The following ZFYVE16 variants were observed in gnomAD, a reference collection of about 807,000 sequenced individuals.
ZFYVE16 encodes the protein zinc finger FYVE domain-containing protein 16.
ZFYVE16 carries 89 observed loss-of-function variants against 138.1 expected under a neutral mutation model. The ratio of observed to expected loss-of-function variants is 0.64; its 90% CI spans 0.54 to 0.77. The LOEUF is 0.77. Among genes scored for constraint, ZFYVE16 ranks in the 30% least tolerant of loss-of-function variants. The pLI is 0.00. For missense variants in ZFYVE16, 1,793 were observed against 1,786.7 expected, an observed-to-expected ratio of 1.00 and a Z score of -0.06; for synonymous variants, 596 against 618.3, an observed-to-expected ratio of 0.96 and a Z score of 0.53.
rs765521008 is a variant in ZFYVE16, at chr5:80,457,091, A to G, written c.3942A>G (p.Lys1314=). The part of the protein sequence containing the change: ...QANSATGHPR[K]VTGASFVVFN... The stretch of plus-strand genomic sequence containing the variant: ...ACAGTGCCACTGGCCATCCTAGAAA[A>G]GGTGAGCATCTTGGTTCCTAGTGCT... The change falls in exon 14 of 19, where the codon AAA becomes AAG. Residue 1314 remains lysine (K), a splice_region_variant and synonymous_variant. Transcript: ENST00000505560. The G allele has an allele frequency of 2.5e-6, 4 of 1,610,662 alleles. No homozygotes were observed. Among genetic ancestry groups the G allele is most frequent in the Non-Finnish European group, 2.5e-6 (3 of 1,178,960 alleles).
At chr5:80,428,844 G>T (rs916756077) in intron 2 of ZFYVE16, among the ~76,000 whole-genome samples, 40 of 152,338 alleles carry the variant, frequency 2.6e-4, no homozygotes, top group African/African-American at 9.6e-4. Context: ...TCAACTGGAA[G>T]AAAGGGTATC....
chr5:80,438,820 C>G lies in ZFYVE16; in HGVS notation c.2135C>G (p.Ser712Cys), dbSNP rs1750319167. The G allele has an allele frequency of 1.2e-6, 2 of 1,613,940 alleles. No homozygotes were observed. The highest frequency in any genetic ancestry group is 2.2e-5 in the South Asian group (2 of 91,082). The change falls in exon 4 of 19, where the codon TCT becomes TGT. Residue 712 changes from serine to cysteine, a missense_variant. Ser to Cys is a moderately radical substitution (Grantham distance 112). Coordinates refer to ENST00000505560, the MANE Select transcript of ZFYVE16 (RefSeq NM_001284236.3). ...AATTACATTGATATAGAAAGTAATT[C>G]TGAAGGTGGATCTAGTTTCGTAACT... ...NSNYIDIESN[S>C]EGGSSFVTAN...
At chr5:80,407,692 G>A (rs1181734707), upstream of ZFYVE16, among the ~76,000 whole-genome samples, 1 of 152,254 alleles carries the variant, frequency 6.6e-6, no homozygotes, top group African/African-American at 2.4e-5. Flanking sequence ...AGACCGGAAC[G>A]CCGCGCAGGC....
chr5:80,416,751 C>T (rs549223079), intron 1 of ZFYVE16, among the ~76,000 whole-genome samples: 2 of 151,972 alleles, frequency 1.3e-5, no homozygotes, highest in African/African-American at 4.8e-5. Context: ...TATTTCCTGC[C>T]CTAGTTTTAG....
chr5:80,480,309 A>G lies in ZFYVE16; in HGVS notation c.*2932A>G, dbSNP rs1032839568. 2.0e-5 allele frequency among the ~76,000 whole-genome samples: 3 copies of G among 152,246 alleles called. No homozygotes were observed. Among genetic ancestry groups the G allele is most frequent in the Non-Finnish European group, 4.4e-5 (3 of 68,034 alleles). On this transcript the variant is annotated 3_prime_UTR_variant, in exon 19 of 19. Coordinates refer to ENST00000505560, the MANE Select transcript of ZFYVE16 (RefSeq NM_001284236.3). ...GAATATAAACATTACAAGAATATACATAAAAACTGCACTTTAAAACTCAGT... is the reference window on the plus strand; with the variant it reads ...GAATATAAACATTACAAGAATATACGTAAAAACTGCACTTTAAAACTCAGT...
rs761099722 is a variant in ZFYVE16 at position 80,451,445 on chromosome 5, A to G, written c.3383-40A>G. The G allele has an allele frequency of 5.3e-6, 8 of 1,513,668 alleles. No individual in the cohort carries two copies. The Admixed American group carries it at 1.6e-4, about 31-fold the overall frequency. The allele number at this position is 1,513,668 out of a possible 1,614,324, so 93.8% of individuals were successfully genotyped here. A position where few individuals can be genotyped will look rare whatever the true frequency, so the allele number is the denominator to read the frequency against. On this transcript the variant is annotated intron_variant, in intron 10 of 18. Coordinates refer to ENST00000505560, the MANE Select transcript of ZFYVE16 (RefSeq NM_001284236.3). ...AGAACATTTCTTCAAAACAATAACA[A>G]AACAACTTAAAATCTTTTTACTAAT...
chr5:80,481,596 A>G lies in ZFYVE16; in HGVS notation c.*4219A>G, dbSNP rs1325939816. Among the ~76,000 whole-genome samples the G allele has an allele frequency of 6.6e-6, 1 of 152,210 alleles. No individual in the cohort carries two copies. ...GATGTGTGCTCTGAAACTTAACTGA[A>G]TTGATGGTCTGCTAAAACAAAACAA... is the stretch of plus-strand genomic sequence containing the variant. On this transcript the variant is annotated 3_prime_UTR_variant, in exon 19 of 19. Transcript: ENST00000505560.
chr5:80,448,202 AGAT>A lies in ZFYVE16; in HGVS notation c.2909_2911del (p.Asp970del). 6.2e-7 allele frequency: 1 copy of A among 1,613,958 alleles called. No individual in the cohort carries two copies. Among genetic ancestry groups the A allele is most frequent in the Non-Finnish European group, 8.5e-7 (1 of 1,179,916 alleles). ...TACCTACTTCTGGTTCATTTACACT[AGAT>A]GATGATGTTTTTGCAGAAACTGAAG... On this transcript the variant is annotated inframe_deletion, in exon 8 of 19. Coordinates refer to ENST00000505560, the MANE Select transcript of ZFYVE16 (RefSeq NM_001284236.3).
In ZFYVE16 at chr5:80,475,605, T is replaced by C. The variant is rs539418205; in HGVS notation, c.4461+775T>C. On this transcript the variant is annotated intron_variant, in intron 18 of 18. Transcript: ENST00000505560. ...GCAAATAAGTGTGTGTCCTCCTTTT[T>C]CATCTTCCCTCTTTTACACATTTTT... Among the ~76,000 whole-genome samples, 3 of 152,374 alleles carry C rather than the reference T, an allele frequency of 2.0e-5. No individual in the cohort carries two copies. In the South Asian group the frequency reaches 6.2e-4, roughly 32 times the overall value.
At chr5:80,476,334 T>C (rs891837686) in intron 18 of ZFYVE16, among the ~76,000 whole-genome samples, 32 of 152,276 alleles carry the variant, frequency 2.1e-4, no homozygotes, top group African/African-American at 7.7e-4. Flanking sequence ...AATATTATTA[T>C]TACTTGTTAA....
At chr5:80,409,727 G>A (rs1561214113) in intron 1 of ZFYVE16, 1 of 152,212 alleles carries the variant, frequency 6.6e-6, no homozygotes, top group Non-Finnish European at 1.5e-5. Context: ...GCCTTGAACA[G>A]ATACGTAGCA....
intron 15 of ZFYVE16, among the ~76,000 whole-genome samples, chr5:80,467,065 C>A (rs1753822289): frequency 6.6e-6 from 1 of 152,136 alleles, no homozygotes; most frequent in African/African-American, 2.4e-5. Context: ...CCCTGGAAGA[C>A]CCTACTTACA....
At chr5:80,441,570 G>T (rs745484662) in intron 5 of ZFYVE16, 1 of 985,010 alleles carries the variant, frequency 1.0e-6, no homozygotes, top group African/African-American at 1.7e-5. Context: ...AGAGAAAGAC[G>T]GTTCATGGGT....
rs1208680031 is a variant in ZFYVE16, at chr5:80,477,836, T to G, written c.*459T>G. On this transcript the variant is annotated 3_prime_UTR_variant, in exon 19 of 19. Transcript: ENST00000505560. ...ATTTCAGTGGCACAAAAACCAGTTT[T>G]GAGGTCTTAGACTTATAATTCTTTG... The G allele has an allele frequency of 1.3e-5, 2 of 152,354 alleles. No homozygotes were observed. The highest frequency in any genetic ancestry group is 4.8e-5 in the African/African-American group (2 of 41,450). 9.4% of individuals were successfully genotyped at this position (152,354 alleles called of 1,614,324 possible). A position where few individuals can be genotyped will look rare whatever the true frequency, so the allele number is the denominator to read the frequency against.
At chr5:80,471,894 T>G (rs925079036) in intron 15 of ZFYVE16, among the ~76,000 whole-genome samples, 2 of 152,236 alleles carry the variant, frequency 1.3e-5, no homozygotes, top group African/African-American at 4.8e-5. Flanking sequence ...CCACACTAAT[T>G]TGACAGTACT....
At position 80,418,967 on chromosome 5, in the gene ZFYVE16, T is replaced by C. The variant is rs147940262; in HGVS notation, c.-93-8525T>C. Among the ~76,000 whole-genome samples the C allele has an allele frequency of 7.5e-3, 1,149 of 152,272 alleles. 10 individuals are homozygous for C. Among genetic ancestry groups the C allele is most frequent in the Admixed American group, 0.01 (159 of 15,294 alleles). ...GTAATGTCTGTGTCTAGGTTCATAT[T>C]TTTCATAGAGATGTCCAGTTTTTTC... On this transcript the variant is annotated intron_variant, in intron 1 of 18. Transcript: ENST00000505560.
At chr5:80,444,696 T>C (rs1440198496) in intron 6 of ZFYVE16, among the ~76,000 whole-genome samples, 2 of 151,994 alleles carry the variant, frequency 1.3e-5, no homozygotes, top group African/African-American at 2.4e-5. Context: ...TCCTGTGATA[T>C]TAAGACATTT....
intron 2 of ZFYVE16, among the ~76,000 whole-genome samples, chr5:80,431,967 C>G (rs1242426990): frequency 1.3e-5 from 2 of 152,186 alleles, no homozygotes; most frequent in African/African-American, 4.8e-5. Flanking sequence ...ATTCCATGCT[C>G]ATGGATAGGG....
intron 2 of ZFYVE16, among the ~76,000 whole-genome samples, chr5:80,433,573 A>G (rs1462655456): frequency 6.6e-6 from 1 of 152,134 alleles, no homozygotes; most frequent in East Asian, 1.9e-4. Flanking sequence ...TGTACCCTAG[A>G]ACTTAAGGTA....
Sources: allele counts gnomAD v4.1 joint callset (sites outside exome capture counted in the v4.1 genomes callset), GRCh38; gene constraint gnomAD v4.1.1; transcripts MANE v1.5; gene names NCBI Gene and HGNC (gene_info 2026-07-23, HGNC 2026-07-21).